CDH20: variants seen among roughly 807,000 people sequenced by gnomAD.
The protein encoded by CDH20 is cadherin-20.
Under a neutral mutation model 74.2 loss-of-function variants are expected in CDH20, and 29 were observed. That is an observed-to-expected ratio of 0.39 (90% CI 0.29 to 0.53). The LOEUF (loss-of-function observed/expected upper bound fraction) is 0.53, where lower values mean the gene tolerates loss of function less well. Ranked by LOEUF, CDH20 falls within the 20% of genes least tolerant of loss-of-function variation. CDH20 has a pLI of 0.69. For missense variants in CDH20, 988 were observed against 1,048.3 expected (o/e 0.94, Z 0.79); for synonymous variants, 469 against 405.4 (o/e 1.16, Z -1.88).
At chr18:61,395,677 T>A (rs1329309613) in intron 1 of CDH20, among the ~76,000 whole-genome samples, 2 of 152,256 alleles carry the variant, frequency 1.3e-5, no homozygotes, top group African/African-American at 4.8e-5. Context: ...GCTTTGTATT[T>A]TTTTGAAATA....
chr18:61,405,858 C>A (rs897578202), intron 1 of CDH20, among the ~76,000 whole-genome samples: 2 of 152,184 alleles, frequency 1.3e-5, no homozygotes, highest in African/African-American at 4.8e-5. Context: ...CTGCGTTAAG[C>A]CTTCCTTCAA....
At chr18:61,514,193 T>A (rs1269535701) in intron 6 of CDH20, among the ~76,000 whole-genome samples, 3 of 151,496 alleles carry the variant, frequency 2.0e-5, no homozygotes, top group Non-Finnish European at 3.0e-5. Flanking sequence ...GAGGCTTTGC[T>A]CATTTCTTTT....
At chr18:61,431,768 A>G (rs1339301440) in intron 1 of CDH20, among the ~76,000 whole-genome samples, 2 of 152,116 alleles carry the variant, frequency 1.3e-5, no homozygotes, top group Non-Finnish European at 2.9e-5. Flanking sequence ...AGCTTCTATA[A>G]AAGTTTGGTG....
intron 1 of CDH20, among the ~76,000 whole-genome samples, chr18:61,490,156 A>G (rs941697642): frequency 1.3e-5 from 2 of 152,164 alleles, no homozygotes; most frequent in African/African-American, 4.8e-5. Flanking sequence ...ATGAGAAGAA[A>G]TTTATTCATC....
chr18:61,533,138 T>TA (rs1220492202), intron 7 of CDH20, among the ~76,000 whole-genome samples: 1 of 151,944 alleles, frequency 6.6e-6, no homozygotes, highest in Non-Finnish European at 1.5e-5. Context: ...TCTTTTAAAA[T>TA]AAAAAATAAA....
intron 1 of CDH20, among the ~76,000 whole-genome samples, chr18:61,409,588 A>G (rs1291638677): frequency 2.0e-5 from 3 of 152,198 alleles, no homozygotes; most frequent in African/African-American, 7.2e-5. Context: ...TAATGCCTCC[A>G]CACAGTAGTG....
intron 1 of CDH20, among the ~76,000 whole-genome samples, chr18:61,489,403 A>G (rs181060767): frequency 6.6e-6 from 1 of 152,208 alleles, no homozygotes; most frequent in East Asian, 1.9e-4. Flanking sequence ...TCGAATTAAC[A>G]GTGAAAATAT....
intron 1 of CDH20, among the ~76,000 whole-genome samples, chr18:61,429,414 G>T (rs1380804819): frequency 6.6e-6 from 1 of 152,052 alleles, no homozygotes; most frequent in East Asian, 1.9e-4. Context: ...GAATGAGATT[G>T]TTTGTGTGTG....
At chr18:61,523,025 A>G (rs191214435) in intron 6 of CDH20, among the ~76,000 whole-genome samples, 46 of 152,352 alleles carry the variant, frequency 3.0e-4, no homozygotes, top group Non-Finnish European at 6.2e-4. Context: ...TGACTAAAAC[A>G]CCAAAAGCAA....
At chr18:61,538,584 G>GTTTTTTTTTTTTTTTTTTTTTTTT (rs1568182044) in intron 8 of CDH20, among the ~76,000 whole-genome samples, 1 of 55,846 alleles carries the variant, frequency 1.8e-5, no homozygotes. Context: ...ACTACTTTTT[G>GTTTTTTTTTTTTTTTTTTTTTTTT]TTTGTTTGTT....
At chr18:61,460,170 A>G (rs1377581651) in intron 1 of CDH20, among the ~76,000 whole-genome samples, 1 of 152,224 alleles carries the variant, frequency 6.6e-6, no homozygotes, top group Non-Finnish European at 1.5e-5. Context: ...TTTTGCATAG[A>G]GACTGAGCTC....
intron 1 of CDH20, among the ~76,000 whole-genome samples, chr18:61,361,662 A>G (rs1196522971): frequency 6.6e-6 from 1 of 152,228 alleles, no homozygotes; most frequent in Non-Finnish European, 1.5e-5. Context: ...AATTGAGAGT[A>G]AGCTTAGCAA....
chr18:61,478,780 CG>C (rs1291509937), intron 1 of CDH20, among the ~76,000 whole-genome samples: 1 of 151,918 alleles, frequency 6.6e-6, no homozygotes, highest in Non-Finnish European at 1.5e-5. Flanking sequence ...CAATAAAGAA[CG>C]GGGGAAGTAA....
At chr18:61,368,722 A>G (rs1910937809) in intron 1 of CDH20, among the ~76,000 whole-genome samples, 1 of 152,116 alleles carries the variant, frequency 6.6e-6, no homozygotes, top group African/African-American at 2.4e-5. Context: ...TATTTAATAA[A>G]AAATCACTTT....
chr18:61,524,541 A>T (rs1249839762), intron 6 of CDH20, among the ~76,000 whole-genome samples: 1 of 152,236 alleles, frequency 6.6e-6, no homozygotes, highest in Non-Finnish European at 1.5e-5. Context: ...ATTGGAAAAA[A>T]ACACAAATGT....
chr18:61,471,782 C>G lies in CDH20; in HGVS notation c.-152-18620C>G, dbSNP rs73451464. Among the ~76,000 whole-genome samples the G allele has an allele frequency of 8.3e-3, 1,269 of 152,130 alleles. 14 individuals are homozygous for G. Among genetic ancestry groups the G allele is most frequent in the African/African-American group, 0.029 (1,217 of 41,498 alleles). On this transcript the variant is annotated intron_variant, in intron 1 of 11. Coordinates refer to ENST00000262717, the MANE Select transcript of CDH20 (RefSeq NM_031891.4). ...ACTCAACAAACCCATTCCTGGCTGT[C>G]GGTAATGACAGGTTTCTTAGGGAGT...
chr18:61,413,037 C>T (rs544319115), intron 1 of CDH20, among the ~76,000 whole-genome samples: 13 of 152,264 alleles, frequency 8.5e-5, no homozygotes, highest in East Asian at 7.7e-4. Flanking sequence ...AGTCAGGAGA[C>T]GGAGACGAAT....
intron 1 of CDH20, among the ~76,000 whole-genome samples, chr18:61,350,607 AG>A (rs1910271489): frequency 6.6e-6 from 1 of 152,180 alleles, no homozygotes; most frequent in South Asian, 2.1e-4. Context: ...CCCGCTAAAT[AG>A]GGTAATATAT....
intron 9 of CDH20, among the ~76,000 whole-genome samples, chr18:61,541,051 C>T (rs1226266696): frequency 6.6e-6 from 1 of 151,912 alleles, no homozygotes; most frequent in Non-Finnish European, 1.5e-5. Context: ...GTTATGCAGC[C>T]AATAAAAGTT....
Sources: allele counts gnomAD v4.1 joint callset (sites outside exome capture counted in the v4.1 genomes callset), GRCh38; gene constraint gnomAD v4.1.1; transcripts MANE v1.5; gene names NCBI Gene and HGNC (gene_info 2026-07-23, HGNC 2026-07-21).